LIN28B: variants seen among roughly 807,000 people sequenced by gnomAD.
The protein encoded by LIN28B is lin-28 RNA binding posttranscriptional regulator B, also known as protein lin-28 homolog B.
LIN28B carries 5 observed loss-of-function variants against 21.9 expected under a neutral mutation model. That is an observed-to-expected ratio of 0.23 (90% CI 0.12 to 0.48). LIN28B has a LOEUF of 0.48. Among genes scored for constraint, LIN28B ranks in the 20% least tolerant of loss-of-function variants. The probability of loss-of-function intolerance (pLI) is 0.98; values close to 1 mark genes in which losing one functional copy is unlikely to be tolerated. For missense variants in LIN28B, 245 were observed against 310.5 expected (o/e 0.79, Z 1.58); for synonymous variants, 109 against 111.3 (o/e 0.98, Z 0.13).
chr6:105,063,644 G>C (rs55661787), intron 3 of LIN28B, among the ~76,000 whole-genome samples: 12 of 141,446 alleles, frequency 8.5e-5, no homozygotes, highest in East Asian at 2.2e-4. Context: ...TCGGGGGGGG[G>C]GGGGAAAAAA....
intron 2 of LIN28B, among the ~76,000 whole-genome samples, chr6:104,943,473 G>A (rs1040249473): frequency 2.0e-5 from 3 of 152,096 alleles, no homozygotes; most frequent in African/African-American, 7.2e-5. Context: ...GACTGTATTA[G>A]CAAGTTCAGG....
intron 3 of LIN28B, among the ~76,000 whole-genome samples, chr6:105,047,667 G>A (rs778386098): frequency 5.9e-5 from 9 of 152,026 alleles, no homozygotes; most frequent in Admixed American, 2.6e-4. Flanking sequence ...ATGTTCTTCC[G>A]TTTGTTTGTG....
chr6:104,983,984 G>T (rs1367573990), intron 2 of LIN28B, among the ~76,000 whole-genome samples: 1 of 152,084 alleles, frequency 6.6e-6, no homozygotes, highest in African/African-American at 2.4e-5. Context: ...AGTAAGTCAC[G>T]AACAATTTAC....
chr6:105,063,745 ATTTGAGGCCAGGTG>A (rs894928771), intron 3 of LIN28B, among the ~76,000 whole-genome samples: 1 of 151,546 alleles, frequency 6.6e-6, no homozygotes, highest in African/African-American at 2.4e-5. Flanking sequence ...TGAAAGAATC[ATTTGAGGCCAGGTG>A]TTTGAGGCTG....
chr6:104,947,765 G>A (rs541566994), intron 2 of LIN28B, among the ~76,000 whole-genome samples: 15 of 146,022 alleles, frequency 1.0e-4, no homozygotes, highest in South Asian at 2.1e-4. Flanking sequence ...AAAACATTTT[G>A]CGTACTTTTT....
chr6:104,950,515 T>C (rs948589557), intron 3 of LIN28B: 3 of 1,217,922 alleles, frequency 2.5e-6, no homozygotes, highest in African/African-American at 1.6e-5. Context: ...CCCAGGTTAG[T>C]CTTTTTTTTT....
At chr6:104,970,614 T>A (rs1769956715) in intron 2 of LIN28B, among the ~76,000 whole-genome samples, 2 of 152,298 alleles carry the variant, frequency 1.3e-5, no homozygotes, top group South Asian at 4.1e-4. Context: ...GGTAGTTTCT[T>A]AGTTACTTAT....
At chr6:104,948,773 T>A (rs1778186939) in intron 2 of LIN28B, among the ~76,000 whole-genome samples, 1 of 152,172 alleles carries the variant, frequency 6.6e-6, no homozygotes, top group Non-Finnish European at 1.5e-5. Context: ...GTGAAAAACA[T>A]TAATTGTGAA....
rs111530214 is a variant in LIN28B, at chr6:105,064,252, ATGT to A, written c.384-14158_384-14156del. On this transcript the variant is annotated intron_variant, in intron 3 of 3. Coordinates refer to ENST00000345080, the MANE Select transcript of LIN28B (RefSeq NM_001004317.4). Reference sequence around the variant, plus strand: ...GAACACAGTTAAGTGAGAGAACCAAATGTTGTAACTTGTTCAAAGGAGAATCAA... The same window carrying A: ...GAACACAGTTAAGTGAGAGAACCAAATGTAACTTGTTCAAAGGAGAATCAA... Among the ~76,000 whole-genome samples, 192 of 152,344 alleles carry A rather than the reference ATGT, an allele frequency of 1.3e-3. 2 individuals carry two copies. The highest frequency in any genetic ancestry group is 4.4e-3 in the African/African-American group (184 of 41,582).
At chr6:105,013,823 A>G (rs1431811308) in intron 2 of LIN28B, among the ~76,000 whole-genome samples, 4 of 152,028 alleles carry the variant, frequency 2.6e-5, no homozygotes, top group Non-Finnish European at 4.4e-5. Context: ...CCTAGAGATG[A>G]TCTACATTGT....
chr6:105,017,310 G>A (rs1771050444), intron 2 of LIN28B, among the ~76,000 whole-genome samples: 1 of 152,034 alleles, frequency 6.6e-6, no homozygotes, highest in Non-Finnish European at 1.5e-5. Flanking sequence ...TGAGATAGCA[G>A]GTGAAAGCAT....
At chr6:105,058,837 T>A (rs1772073543) in intron 3 of LIN28B, among the ~76,000 whole-genome samples, 1 of 152,222 alleles carries the variant, frequency 6.6e-6, no homozygotes, top group Non-Finnish European at 1.5e-5. Context: ...TTTAAAGGTA[T>A]TTGTGCCATT....
Position 105,080,188 on chromosome 6 carries a change from T to C in LIN28B, c.*1405T>C, listed in dbSNP as rs1362495789. 6.6e-6 allele frequency: 1 copy of C among 152,570 alleles called. No individual in the cohort carries two copies. Among genetic ancestry groups the C allele is most frequent in the Non-Finnish European group, 1.5e-5 (1 of 68,036 alleles). The allele number at this position is 152,570 out of a possible 1,614,324, so 9.5% of individuals were successfully genotyped here. On this transcript the variant is annotated 3_prime_UTR_variant, in exon 4 of 4. Transcript: ENST00000345080. The stretch of plus-strand genomic sequence containing the variant: ...CTAGGGGCCATAGTATTGGTCCTGT[T>C]AGGTTTCGGTCATGGAAAAAAAAAT...
chr6:105,007,920 C>T (rs899346594), intron 2 of LIN28B, among the ~76,000 whole-genome samples: 9 of 152,348 alleles, frequency 5.9e-5, no homozygotes, highest in Admixed American at 3.9e-4. Flanking sequence ...GTTGGTATTA[C>T]AGGCGTGAGC....
rs1324609926 is a variant in LIN28B, at chr6:105,026,445, G to A, written c.346G>A (p.Gly116Arg). The A allele has an allele frequency of 6.2e-7, 1 of 1,601,562 alleles. No individual in the cohort carries two copies. Among genetic ancestry groups the A allele is most frequent in the Non-Finnish European group, 8.5e-7 (1 of 1,175,836 alleles). The change falls in exon 3 of 4, where the codon GGG (glycine) becomes AGG (arginine). Residue 116 changes from glycine (G) to arginine (R), a missense_variant. Transcript: ENST00000345080. ...TTTAGGAAGTGAAAGAAGACCCAAA[G>A]GGAAGACACTACAGAAAAGAAAACC... is the stretch of plus-strand genomic sequence containing the variant. Reference protein sequence around the residue: ...PCLGSERRPKGKTLQKRKPKG... With the variant: ...PCLGSERRPKRKTLQKRKPKG...
intron 2 of LIN28B, among the ~76,000 whole-genome samples, chr6:104,979,665 T>C (rs1324947249): frequency 6.6e-6 from 1 of 152,122 alleles, no homozygotes; most frequent in Non-Finnish European, 1.5e-5. Flanking sequence ...ATAGGGAAAT[T>C]AACTTTCAAT....
chr6:104,982,736 T>C (rs964334961), intron 2 of LIN28B, among the ~76,000 whole-genome samples: 3 of 152,218 alleles, frequency 2.0e-5, no homozygotes, highest in Admixed American at 6.5e-5. Context: ...ACCTTTACTG[T>C]TTATCTCATA....
At chr6:105,050,608 CAA>C (rs61464567) in intron 3 of LIN28B, among the ~76,000 whole-genome samples, 1 of 47,604 alleles carries the variant, frequency 2.1e-5, no homozygotes, top group South Asian at 1.6e-3. Flanking sequence ...GACTCCGTCT[CAA>C]AAAAAAAAAA....
chr6:104,996,902 T>C (rs1770617755), intron 2 of LIN28B, among the ~76,000 whole-genome samples: 1 of 152,064 alleles, frequency 6.6e-6, no homozygotes, highest in South Asian at 2.1e-4. Context: ...GGAAGATCAC[T>C]TCACCCCAGG....
Sources: allele counts gnomAD v4.1 joint callset (sites outside exome capture counted in the v4.1 genomes callset), GRCh38; gene constraint gnomAD v4.1.1; transcripts MANE v1.5; gene names NCBI Gene and HGNC (gene_info 2026-07-23, HGNC 2026-07-21).